Variants in MLLT1 observed in about 807,000 individuals in gnomAD.
MLLT1 encodes protein ENL.
MLLT1 carries 11 observed loss-of-function variants against 55.1 expected under a neutral mutation model. That is an observed-to-expected ratio of 0.20 (90% CI 0.13 to 0.33). The LOEUF is 0.33. Ranked by LOEUF, MLLT1 falls within the 10% of genes least tolerant of loss-of-function variation. MLLT1 has a pLI of 1.00. For missense variants in MLLT1, 536 were observed against 760.6 expected, an observed-to-expected ratio of 0.70 and a Z score of 3.47; for synonymous variants, 323 against 320.1, an observed-to-expected ratio of 1.01 and a Z score of -0.10.
In MLLT1 at chr19:6,270,855, G is replaced by T; in HGVS notation, c.13-96C>A. 4 of 1,195,198 alleles carry T rather than the reference G, an allele frequency of 3.3e-6. No homozygotes were observed. The highest frequency in any genetic ancestry group is 3.5e-6 in the Non-Finnish European group (3 of 858,826). 74.0% of individuals were successfully genotyped at this position (1,195,198 alleles called of 1,614,324 possible). On this transcript the variant is annotated intron_variant, in intron 1 of 11. Coordinates refer to ENST00000252674, the MANE Select transcript of MLLT1 (RefSeq NM_005934.4). The surrounding 1 kb of genome is among the most constrained non-coding windows in gnomAD (Gnocchi z 7.1). Reference sequence around the variant, plus strand: ...AGAGAACTTTCGATAAAGACCCCCAGCAGTGCAATACGCTCTCAACCCAGT... The same window carrying T: ...AGAGAACTTTCGATAAAGACCCCCATCAGTGCAATACGCTCTCAACCCAGT...
chr19:6,256,110 A>G lies in MLLT1; in HGVS notation c.276+6118T>C, dbSNP rs1286089764. The stretch of plus-strand genomic sequence containing the variant: ...CAGGCACCTGTAATCCCAGCTATTC[A>G]GGAGGCTGAGGCAGGAGAATCGCTT... On this transcript the variant is annotated intron_variant, in intron 3 of 11. Coordinates refer to ENST00000252674, the MANE Select transcript of MLLT1 (RefSeq NM_005934.4). The surrounding 1 kb of genome is among the most constrained non-coding windows in gnomAD (Gnocchi z 4.1). 6.6e-6 allele frequency among the ~76,000 whole-genome samples: 1 copy of G among 151,956 alleles called. No individual in the cohort carries two copies. The highest frequency in any genetic ancestry group is 1.9e-4 in the East Asian group (1 of 5,152).
At chr19:6,242,983 T>C (rs1277875946) in intron 3 of MLLT1, among the ~76,000 whole-genome samples, 1 of 152,204 alleles carries the variant, frequency 6.6e-6, no homozygotes, top group East Asian at 1.9e-4. Context: ...AGCACTGGCA[T>C]GAAAGCGACA....
intron 1 of MLLT1, among the ~76,000 whole-genome samples, chr19:6,276,942 C>T (rs1019014386): frequency 1.3e-5 from 2 of 152,144 alleles, no homozygotes; most frequent in African/African-American, 2.4e-5. Context: ...TCTGAAAGTC[C>T]TAGAGAGTAA....
chr19:6,225,167 G>A (rs2090943538), intron 5 of MLLT1, among the ~76,000 whole-genome samples: 1 of 152,204 alleles, frequency 6.6e-6, no homozygotes, highest in South Asian at 2.1e-4. Context: ...CCCCCTCTAT[G>A]AGGCTGTGGT....
chr19:6,257,829 G>C (rs1418995896), intron 3 of MLLT1, among the ~76,000 whole-genome samples: 2 of 152,154 alleles, frequency 1.3e-5, no homozygotes, highest in Non-Finnish European at 2.9e-5. Flanking sequence ...ATGGGCAATG[G>C]ATATATCTAG....
chr19:6,216,099 C>T (rs897083801), intron 8 of MLLT1, among the ~76,000 whole-genome samples: 3 of 152,144 alleles, frequency 2.0e-5, no homozygotes, highest in Non-Finnish European at 4.4e-5. Flanking sequence ...CCTGGGCTCC[C>T]TCCTGCACCC....
rs1159512839 is a variant in MLLT1 at position 6,213,323 on chromosome 19, C to G, written c.1551+14G>C. 1.9e-6 allele frequency: 3 copies of G among 1,612,222 alleles called. No individual in the cohort carries two copies. The highest frequency in any genetic ancestry group is 1.7e-6 in the Non-Finnish European group (2 of 1,179,752). ...CCCGACCTCTGCCGGGCAGGACCCTCAGGGGGGCGATACCTGCTGCAGCAC... is the reference window on the plus strand; with the variant it reads ...CCCGACCTCTGCCGGGCAGGACCCTGAGGGGGGCGATACCTGCTGCAGCAC... On this transcript the variant is annotated intron_variant, in intron 11 of 11. Coordinates refer to ENST00000252674, the MANE Select transcript of MLLT1 (RefSeq NM_005934.4).
intron 3 of MLLT1, among the ~76,000 whole-genome samples, chr19:6,233,033 C>T (rs1427545012): frequency 1.3e-5 from 2 of 152,228 alleles, no homozygotes; most frequent in Non-Finnish European, 2.9e-5. Context: ...CCTCTGCACC[C>T]TCTTTATTCT....
In MLLT1 at chr19:6,227,573, T is replaced by A. The variant is rs751244803; in HGVS notation, c.421-471A>T. Among the ~76,000 whole-genome samples the A allele has an allele frequency of 6.6e-6, 1 of 152,200 alleles. No homozygotes were observed. The highest frequency in any genetic ancestry group is 2.4e-5 in the African/African-American group (1 of 41,446). On this transcript the variant is annotated intron_variant, in intron 4 of 11. Transcript: ENST00000252674. The surrounding 1 kb of genome is among the most constrained non-coding windows in gnomAD (Gnocchi z 5.1). ...CAGTGGGTCCCACGTGCCCGGAGAA[T>A]GAGCCGTCCTTGGTGTGCGGTGACT...
At position 6,211,171 on chromosome 19, in the gene MLLT1, C is replaced by G. The variant is rs925940423; in HGVS notation, c.*1871G>C. ...CAGCACGGGCCCCCGGTCAGCCCCC[C>G]TCAGGCCAGTTCCTTCAGTCCAATG... On this transcript the variant is annotated 3_prime_UTR_variant, in exon 12 of 12. Coordinates refer to ENST00000252674, the MANE Select transcript of MLLT1 (RefSeq NM_005934.4). The surrounding 1 kb of genome is among the most constrained non-coding windows in gnomAD (Gnocchi z 4.6). 1 of 232,798 alleles carries G rather than the reference C, an allele frequency of 4.3e-6. No homozygotes were observed. Among genetic ancestry groups the G allele is most frequent in the Admixed American group, 5.6e-5 (1 of 17,768 alleles). The allele number at this position is 232,798 out of a possible 1,614,324, so 14.4% of individuals were successfully genotyped here.
rs193146920 is a variant in MLLT1, at chr19:6,223,498, C to A, written c.547-814G>T. Among the ~76,000 whole-genome samples the A allele has an allele frequency of 1.2e-4, 18 of 152,290 alleles. No homozygotes were observed. In the East Asian group the frequency reaches 3.3e-3, roughly 28 times the overall value. ...GCAGGACACAGGCCCAGGAGTGAGCCCAGCTCTGTGACCTGCACACCACAG... is the reference window on the plus strand; with the variant it reads ...GCAGGACACAGGCCCAGGAGTGAGCACAGCTCTGTGACCTGCACACCACAG... On this transcript the variant is annotated intron_variant, in intron 5 of 11. Coordinates refer to ENST00000252674, the MANE Select transcript of MLLT1 (RefSeq NM_005934.4).
intron 1 of MLLT1, among the ~76,000 whole-genome samples, chr19:6,277,778 C>T (rs1051003264): frequency 1.3e-5 from 2 of 152,184 alleles, no homozygotes; most frequent in African/African-American, 2.4e-5. Flanking sequence ...GTGTGCCCAG[C>T]GGGACTTGCC....
intron 2 of MLLT1, among the ~76,000 whole-genome samples, chr19:6,268,297 T>TA (rs1376610411): frequency 2.6e-5 from 4 of 152,318 alleles, no homozygotes; most frequent in African/African-American, 9.6e-5. Context: ...ATTAAAAACT[T>TA]AGAGAAGACA....
Position 6,235,554 on chromosome 19 carries a change from G to A in MLLT1, c.277-4841C>T, listed in dbSNP as rs111392772. Among the ~76,000 whole-genome samples, 2 of 152,122 alleles carry A rather than the reference G, an allele frequency of 1.3e-5. 1 individual carries two copies. Among genetic ancestry groups the A allele is most frequent in the South Asian group, 4.1e-4 (2 of 4,832 alleles). ...GCTCCCTAGCTCTGCCCACTGCCTG[G>A]CACAGGGCACCCTGGGGCTCGGAAC... is the stretch of plus-strand genomic sequence containing the variant. On this transcript the variant is annotated intron_variant, in intron 3 of 11. Coordinates refer to ENST00000252674, the MANE Select transcript of MLLT1 (RefSeq NM_005934.4). This position sits in a 1 kb window ranked among gnomAD's most constrained non-coding sequence, Gnocchi z 5.5.
In MLLT1 at chr19:6,279,859, C is replaced by A. The variant is rs2091449729; in HGVS notation, c.-75G>T. 1.3e-5 allele frequency: 2 copies of A among 158,576 alleles called. No individual in the cohort carries two copies. Among genetic ancestry groups the A allele is most frequent in the Middle Eastern group, 3.0e-3 (1 of 338 alleles). 9.8% of individuals were successfully genotyped at this position (158,576 alleles called of 1,614,324 possible). A position where few individuals can be genotyped will look rare whatever the true frequency, so the allele number is the denominator to read the frequency against. On this transcript the variant is annotated 5_prime_UTR_variant, in exon 1 of 12. Coordinates refer to ENST00000252674, the MANE Select transcript of MLLT1 (RefSeq NM_005934.4). ...CCGCCGCCGCCGCCGCTCAACGCCG[C>A]CCCGCCGCCCTCATTGTCTGTCAAG...
At chr19:6,214,751 C>A (rs563730291) in intron 8 of MLLT1, among the ~76,000 whole-genome samples, 2 of 152,308 alleles carry the variant, frequency 1.3e-5, no homozygotes, top group South Asian at 4.1e-4. Flanking sequence ...GTGAGAGGGG[C>A]CCCTGACAAC....
rs994698652 is a variant in MLLT1, at chr19:6,212,651, C to G, written c.*391G>C. The G allele has an allele frequency of 9.0e-7, 1 of 1,110,318 alleles. No homozygotes were observed. The allele number at this position is 1,110,318 out of a possible 1,614,324, so 68.8% of individuals were successfully genotyped here. A position where few individuals can be genotyped will look rare whatever the true frequency, so the allele number is the denominator to read the frequency against. ...TGAACCATTCGGGAGGCTGGAGATG[C>G]CCCCCAGCCGTCGATCCGCTGCTCA... On this transcript the variant is annotated 3_prime_UTR_variant, in exon 12 of 12. Coordinates refer to ENST00000252674, the MANE Select transcript of MLLT1 (RefSeq NM_005934.4).
In MLLT1 at chr19:6,254,964, A is replaced by C. The variant is rs544441587; in HGVS notation, c.276+7264T>G. 2.6e-4 allele frequency among the ~76,000 whole-genome samples: 35 copies of C among 136,048 alleles called. No homozygotes were observed. In the South Asian group the frequency reaches 4.6e-3, roughly 18 times the overall value. 89.3% of individuals were successfully genotyped at this position (136,048 alleles called of 152,430 possible). ...AAATCCCAAAGAAGCCACACACAAA[A>C]AAAAAAATCAACAAAAGAAAAAAAA... On this transcript the variant is annotated intron_variant, in intron 3 of 11. Coordinates refer to ENST00000252674, the MANE Select transcript of MLLT1 (RefSeq NM_005934.4).
chr19:6,274,643 C>T (rs577552227), intron 1 of MLLT1, among the ~76,000 whole-genome samples: 3 of 152,022 alleles, frequency 2.0e-5, no homozygotes, highest in Non-Finnish European at 4.4e-5. Context: ...GGAAATGAGC[C>T]GGGGGGCTGT....
Sources: allele counts gnomAD v4.1 joint callset (sites outside exome capture counted in the v4.1 genomes callset), GRCh38; gene constraint gnomAD v4.1.1; non-coding constraint Gnocchi (gnomAD v3.1); transcripts MANE v1.5; gene names NCBI Gene and HGNC (gene_info 2026-07-23, HGNC 2026-07-21).